The following GLB1L3 variants were observed in gnomAD, a reference collection of about 807,000 sequenced individuals.
GLB1L3 encodes beta-galactosidase-1-like protein 3.
GLB1L3 carries 89 observed loss-of-function variants against 89.5 expected under a neutral mutation model. The observed-to-expected ratio is 0.99, with a 90% CI of 0.84 to 1.19. The LOEUF (loss-of-function observed/expected upper bound fraction) is 1.19. GLB1L3 is among the 50% of genes most tolerant of loss of function. The probability of loss-of-function intolerance (pLI) is 0.00; values close to 1 mark genes in which losing one functional copy is unlikely to be tolerated. For missense variants in GLB1L3, 812 were observed against 813.3 expected, an observed-to-expected ratio of 1.00 and a Z score of 0.02; for synonymous variants, 314 against 312.3, an observed-to-expected ratio of 1.01 and a Z score of -0.06.
chr11:134,297,323 T>A (rs1307752245), intron 9 of GLB1L3, among the ~76,000 whole-genome samples: 1 of 152,180 alleles, frequency 6.6e-6, no homozygotes, highest in Non-Finnish European at 1.5e-5. Flanking sequence ...TTTAAAAAAT[T>A]CAATTTGACA....
At chr11:134,315,708 A>G (rs915699084) in intron 18 of GLB1L3, among the ~76,000 whole-genome samples, 10 of 152,182 alleles carry the variant, frequency 6.6e-5, no homozygotes, top group African/African-American at 2.2e-4. Flanking sequence ...CCAGAACACT[A>G]TCAATTTTAT....
intron 6 of GLB1L3, 63 bp downstream of exon 6, chr11:134,283,908 C>A: frequency 2.1e-6 from 2 of 966,916 alleles, no homozygotes; most frequent in South Asian, 2.8e-5. Context: ...TTTGTTCTGG[C>A]TTGATCACTG....
At chr11:134,305,183 C>A in intron 9 of GLB1L3, 1 of 1,160,902 alleles carries the variant, frequency 8.6e-7, no homozygotes, top group Non-Finnish European at 1.3e-6. Context: ...CCTTATAGTT[C>A]TTATCTGTGA....
chr11:134,299,259 T>C (rs1047213870), intron 9 of GLB1L3, among the ~76,000 whole-genome samples: 12 of 152,066 alleles, frequency 7.9e-5, no homozygotes, highest in Non-Finnish European at 5.9e-5. Flanking sequence ...ATCATAGTTA[T>C]TTTGAATTCC....
chr11:134,311,222 A>T, intron 13 of GLB1L3, 52 bp downstream of exon 13: 2 of 1,301,148 alleles, frequency 1.5e-6, no homozygotes, highest in Non-Finnish European at 2.2e-6. Context: ...GGGATGGGGG[A>T]GGGATTCCTT....
chr11:134,307,358 G>A (rs1942251562), intron 10 of GLB1L3, 150 bp downstream of exon 10: 1 of 624,862 alleles, frequency 1.6e-6, no homozygotes, highest in Admixed American at 2.9e-5. Context: ...AGGCCCTGAG[G>A]ATGCTCTGGT....
At chr11:134,279,462 G>T (rs1940567403) in intron 3 of GLB1L3, among the ~76,000 whole-genome samples, 1 of 148,326 alleles carries the variant, frequency 6.7e-6, no homozygotes, top group Non-Finnish European at 1.5e-5. Context: ...CCCCTCCTGG[G>T]TTCAAGTGAT....
At chr11:134,315,529 A>AGAG (rs556651056) in intron 18 of GLB1L3, among the ~76,000 whole-genome samples, 2 of 152,320 alleles carry the variant, frequency 1.3e-5, no homozygotes, top group South Asian at 4.1e-4. Flanking sequence ...TTTCTTTTAA[A>AGAG]GTTAGCTTTG....
chr11:134,313,900 T>A, intron 16 of GLB1L3, 41 bp from the exon 17 acceptor site: 1 of 1,266,610 alleles, frequency 7.9e-7, no homozygotes, highest in Non-Finnish European at 1.1e-6. Flanking sequence ...TATCCAGTCC[T>A]GGCTCATATT....
chr11:134,322,779 G>T (rs543592870), downstream of GLB1L3, among the ~76,000 whole-genome samples: 1 of 152,056 alleles, frequency 6.6e-6, no homozygotes, highest in Non-Finnish European at 1.5e-5. Flanking sequence ...ATGTTCCATT[G>T]TATGGATACA....
intron 7 of GLB1L3, 91 bp downstream of exon 7, chr11:134,288,981 A>C (rs1591545153): frequency 1.2e-6 from 1 of 849,886 alleles, no homozygotes; most frequent in East Asian, 2.7e-5. Context: ...ATCGGGCTGG[A>C]CACTGTGCAT....
At chr11:134,320,155 A>G (rs1345628990), downstream of GLB1L3, among the ~76,000 whole-genome samples, 1 of 152,168 alleles carries the variant, frequency 6.6e-6, no homozygotes, top group African/African-American at 2.4e-5. Flanking sequence ...ACTATAAGCA[A>G]ATCTTATCAC....
At position 134,314,458 on chromosome 11, in the gene GLB1L3, G is replaced by C. The variant is rs1384511529; in HGVS notation, c.1779+17G>C. 1 of 1,470,618 alleles carries C rather than the reference G, an allele frequency of 6.8e-7. No individual in the cohort carries two copies. The highest frequency in any genetic ancestry group is 9.3e-7 in the Non-Finnish European group (1 of 1,073,108). The allele number at this position is 1,470,618 out of a possible 1,614,324, so 91.1% of individuals were successfully genotyped here. ...AGCCTGCTGGTAGGTGATGCCCTCTGCTGCCCTGGTGTTCCAAACACCAAT... is the reference window on the plus strand; with the variant it reads ...AGCCTGCTGGTAGGTGATGCCCTCTCCTGCCCTGGTGTTCCAAACACCAAT... On this transcript the variant is annotated intron_variant, in intron 18 of 19. Transcript: ENST00000431683.
intron 3 of GLB1L3, 119 bp downstream of exon 3, chr11:134,278,031 C>T: frequency 3.4e-6 from 3 of 880,348 alleles, no homozygotes; most frequent in South Asian, 3.0e-5. Context: ...ACAGTCGTTT[C>T]CAGCACATAC....
rs542062684 is a variant in GLB1L3 at position 134,311,140 on chromosome 11, G to T, written c.1257G>T (p.Pro419=). 15 of 1,613,660 alleles carry T rather than the reference G, an allele frequency of 9.3e-6. No homozygotes were observed. The highest frequency in any genetic ancestry group is 1.7e-5 in the Admixed American group (1 of 59,998). ...CCGTGAGACCGTCGCTGTACCTCCCGCTGTGGGACGCCCTATCCTACTTAA... is the reference window on the plus strand; with the variant it reads ...CCGTGAGACCGTCGCTGTACCTCCCTCTGTGGGACGCCCTATCCTACTTAA... ...YPPVRPSLYL[P]LWDALSYLNE... is the part of the protein sequence containing the mutation. Residue 419 remains proline (P), a synonymous_variant, in exon 13 of 20, where the codon CCG becomes CCT. Coordinates refer to ENST00000431683, the MANE Select transcript of GLB1L3 (RefSeq NM_001080407.3).
chr11:134,319,157 A>G lies in GLB1L3; in HGVS notation c.*215A>G. The G allele has an allele frequency of 2.0e-6, 1 of 496,738 alleles. No individual in the cohort carries two copies. The highest frequency in any genetic ancestry group is 3.6e-6 in the Non-Finnish European group (1 of 276,180). The allele number at this position is 496,738 out of a possible 1,614,324, so 30.8% of individuals were successfully genotyped here. A position where few individuals can be genotyped will look rare whatever the true frequency, so the allele number is the denominator to read the frequency against. On this transcript the variant is annotated 3_prime_UTR_variant, in exon 20 of 20. Transcript: ENST00000431683. Reference sequence around the variant, plus strand: ...TTTTAGTAGAGATGGGGTTTCACCAAGTTAGCCAGGATGGTCCCAATCTCC... The same window carrying G: ...TTTTAGTAGAGATGGGGTTTCACCAGGTTAGCCAGGATGGTCCCAATCTCC...
chr11:134,321,850 A>G (rs562137), downstream of GLB1L3, among the ~76,000 whole-genome samples: 4 of 152,078 alleles, frequency 2.6e-5, no homozygotes, highest in Non-Finnish European at 4.4e-5. Context: ...GCACACCAAC[A>G]TGGCACATGT....
intron 16 of GLB1L3, among the ~76,000 whole-genome samples, chr11:134,313,680 G>C (rs896774991): frequency 6.6e-6 from 1 of 152,198 alleles, no homozygotes; most frequent in Non-Finnish European, 1.5e-5. Context: ...AGTGTGTTCG[G>C]TGCTGGCTTG....
At chr11:134,299,564 G>A (rs1339439349) in intron 9 of GLB1L3, among the ~76,000 whole-genome samples, 1 of 152,100 alleles carries the variant, frequency 6.6e-6, no homozygotes, top group Non-Finnish European at 1.5e-5. Flanking sequence ...CTTGTGTCAA[G>A]GGCAAGTGCT....
Sources: gnomAD v4.1 joint callset for allele counts (sites outside exome capture counted in the v4.1 genomes callset) on GRCh38, gnomAD v4.1.1 for gene constraint, MANE v1.5 for transcripts, NCBI Gene and HGNC (gene_info 2026-07-23, HGNC 2026-07-21) for gene names.